Variants in IL13RA1 observed in about 807,000 individuals in gnomAD.
The protein encoded by IL13RA1 is interleukin 13 receptor subunit alpha 1.
Under a neutral mutation model 33.8 loss-of-function variants are expected in IL13RA1, and 14 were observed. That is an observed-to-expected ratio of 0.41 (90% CI 0.27 to 0.65). The LOEUF (loss-of-function observed/expected upper bound fraction) is 0.65, where lower values mean the gene tolerates loss of function less well. Ranked by LOEUF, IL13RA1 falls within the 30% of genes least tolerant of loss-of-function variation. IL13RA1 has a pLI of 0.28. For synonymous variants in IL13RA1, 116 were observed against 115.7 expected, an observed-to-expected ratio of 1.00 and a Z score of -0.02; for missense variants, 313 against 327.0, an observed-to-expected ratio of 0.96 and a Z score of 0.33.
intron 3 of IL13RA1, 91 bp downstream of exon 3, chrX:118,747,183 C>T (rs2017415198): frequency 1.8e-6 from 1 of 564,213 alleles, no homozygotes; most frequent in Non-Finnish European, 2.9e-6. Context: ...TAATTCAATT[C>T]TCAAACATTT....
At chrX:118,774,886 ACTCT>A (rs1009274784) in intron 9 of IL13RA1, among the ~76,000 whole-genome samples, 50 of 111,330 alleles carry the variant, frequency 4.5e-4, no homozygotes, top group African/African-American at 1.4e-3. Context: ...ATATATATAT[ACTCT>A]CTCTATATAT....
intron 6 of IL13RA1, among the ~76,000 whole-genome samples, chrX:118,764,209 A>G (rs757514422): frequency 1.5e-4 from 12 of 77,483 alleles, no homozygotes; most frequent in Non-Finnish European, 2.1e-4. Flanking sequence ...CCAGCAGACT[A>G]TCTTCTTGGT....
At chrX:118,790,770 A>G (rs1232265864) in intron 10 of IL13RA1, among the ~76,000 whole-genome samples, 2 of 112,139 alleles carry the variant, frequency 1.8e-5, no homozygotes, top group East Asian at 2.8e-4. Context: ...TAACTTGCCC[A>G]GTCCATCTTC....
chrX:118,762,564 C>G (rs2017600939), intron 6 of IL13RA1, among the ~76,000 whole-genome samples: 1 of 111,723 alleles, frequency 9.0e-6, no homozygotes, highest in African/African-American at 3.3e-5. Context: ...GAGGGAGTGA[C>G]CAAGTCCACA....
chrX:118,736,444 T>C (rs2075981616), intron 1 of IL13RA1, among the ~76,000 whole-genome samples: 1 of 111,486 alleles, frequency 9.0e-6, no homozygotes, highest in Non-Finnish European at 1.9e-5. Context: ...TTTTTTGTTA[T>C]TGTTTTGTTT....
intron 10 of IL13RA1, among the ~76,000 whole-genome samples, chrX:118,788,304 C>T (rs977993386): frequency 2.7e-5 from 3 of 111,979 alleles, no homozygotes; most frequent in Admixed American, 9.5e-5. Flanking sequence ...CCATCTTCTT[C>T]GCAGAATTTT....
chrX:118,798,962 G>A (rs1271448016), downstream of IL13RA1, among the ~76,000 whole-genome samples: 1 of 112,394 alleles, frequency 8.9e-6, no homozygotes, highest in Non-Finnish European at 1.9e-5. Context: ...GGAGGGAGAG[G>A]CACGAGCGGG....
chrX:118,759,630 A>G (rs2017570277), intron 5 of IL13RA1, among the ~76,000 whole-genome samples: 1 of 112,012 alleles, frequency 8.9e-6, no homozygotes, highest in East Asian at 2.8e-4. Flanking sequence ...GGTGACATAA[A>G]GGAAGAAGGA....
In IL13RA1 at chrX:118,793,477, T is replaced by C. The variant is rs896774640; in HGVS notation, c.*1623T>C. The C allele has an allele frequency of 8.9e-6, 1 of 111,881 alleles. No homozygotes were observed. The highest frequency in any genetic ancestry group is 1.9e-5 in the Non-Finnish European group (1 of 53,228). 9.2% of individuals were successfully genotyped at this position (111,881 alleles called of 1,213,427 possible). A position where few individuals can be genotyped will look rare whatever the true frequency, so the allele number is the denominator to read the frequency against. On this transcript the variant is annotated 3_prime_UTR_variant, in exon 11 of 11. Coordinates refer to ENST00000371666, the MANE Select transcript of IL13RA1 (RefSeq NM_001560.3). ...GTAGCCAGCCAGCCAAGGCTCTGTTTATGCTTTTGGGGGGCATATATTGGG... is the reference window on the plus strand; with the variant it reads ...GTAGCCAGCCAGCCAAGGCTCTGTTCATGCTTTTGGGGGGCATATATTGGG...
At chrX:118,799,640 T>G in the IL13RA1 span, among the ~76,000 whole-genome samples, 1 of 107,108 alleles carries the variant, frequency 9.3e-6, no homozygotes, top group Non-Finnish European at 1.9e-5. Context: ...AGTGCACCAA[T>G]CGACACTCTG....
At chrX:118,775,541 C>T (rs1603219731) in intron 9 of IL13RA1, among the ~76,000 whole-genome samples, 1 of 111,537 alleles carries the variant, frequency 9.0e-6, no homozygotes, top group African/African-American at 3.3e-5. Flanking sequence ...TGAGGATAAC[C>T]TATACTAGGG....
chrX:118,749,276 C>T (rs1324457295), intron 3 of IL13RA1, among the ~76,000 whole-genome samples: 2 of 111,949 alleles, frequency 1.8e-5, no homozygotes, highest in Admixed American at 1.9e-4. Context: ...TTAAATTGTA[C>T]CTCAATAATT....
chrX:118,759,186 C>T (rs1260294995), intron 5 of IL13RA1, among the ~76,000 whole-genome samples: 1 of 111,802 alleles, frequency 8.9e-6, no homozygotes, highest in Non-Finnish European at 1.9e-5. Flanking sequence ...TTAGAAAGCA[C>T]CCTCAGCTTG....
At chrX:118,774,132 C>T (rs113965114) in intron 9 of IL13RA1, among the ~76,000 whole-genome samples, 157 bp downstream of exon 9, 5,059 of 108,172 alleles carry the variant, frequency 0.047, 302 homozygotes, top group African/African-American at 0.16. Flanking sequence ...AGTATTACCA[C>T]GCCCACTTTC....
intron 10 of IL13RA1, among the ~76,000 whole-genome samples, chrX:118,778,563 G>T (rs756488684): frequency 3.2e-4 from 36 of 111,340 alleles, no homozygotes; most frequent in Non-Finnish European, 5.7e-4. Context: ...TCAGGGACGA[G>T]TTCTAGGACT....
downstream of IL13RA1, among the ~76,000 whole-genome samples, chrX:118,796,790 C>G (rs1324662964): frequency 3.6e-5 from 4 of 112,676 alleles, no homozygotes; most frequent in African/African-American, 9.7e-5. Context: ...CCCGCCTCGG[C>G]CTCCCAAAGT....
intron 9 of IL13RA1, among the ~76,000 whole-genome samples, chrX:118,775,018 T>TACAC (rs910442915): frequency 5.5e-4 from 61 of 110,079 alleles, no homozygotes; most frequent in Admixed American, 1.3e-3. Flanking sequence ...CACATGCACA[T>TACAC]ACACACACAC....
chrX:118,752,969 G>A (rs910016048), intron 4 of IL13RA1, among the ~76,000 whole-genome samples: 6 of 112,072 alleles, frequency 5.4e-5, no homozygotes, highest in Non-Finnish European at 7.5e-5. Context: ...AAGATGTCTT[G>A]TGAGTTGGCA....
chrX:118,769,234 G>T (rs1004219415), intron 8 of IL13RA1, among the ~76,000 whole-genome samples: 1 of 112,361 alleles, frequency 8.9e-6, no homozygotes, highest in Non-Finnish European at 1.9e-5. Context: ...TAAAACAATG[G>T]TGCCAGGCCT....
Sources: allele counts gnomAD v4.1 joint callset (sites outside exome capture counted in the v4.1 genomes callset), GRCh38; gene constraint gnomAD v4.1.1; transcripts MANE v1.5; gene names NCBI Gene and HGNC (gene_info 2026-07-23, HGNC 2026-07-21).